The following PRSS56 variants were observed in gnomAD, a reference collection of about 807,000 sequenced individuals.
The protein encoded by PRSS56 is serine protease 56.
In PRSS56, 55 loss-of-function variants were observed where a neutral mutation model predicts 66.8. The observed-to-expected ratio is 0.82, with a 90% CI of 0.66 to 1.03. The LOEUF is 1.03. Among genes scored for constraint, PRSS56 ranks in the 50% least tolerant of loss-of-function variants. PRSS56 has a pLI of 0.00. For synonymous variants in PRSS56, 409 were observed against 387.9 expected (o/e 1.05, Z -0.64); for missense variants, 869 against 837.2 (o/e 1.04, Z -0.47).
chr2:232,520,818 C>A, intron 1 of PRSS56, 123 bp downstream of exon 1: 1 of 626,068 alleles, frequency 1.6e-6, no homozygotes, highest in Non-Finnish European at 2.8e-6. Context: ...CTCCTTCTGC[C>A]CACCCTGCTG....
chr2:232,521,235 G>T (rs967682880), intron 1 of PRSS56, 86 bp from the exon 2 acceptor site: 3 of 1,106,682 alleles, frequency 2.7e-6, no homozygotes, highest in Non-Finnish European at 3.9e-6. Context: ...TGGGTCTCCC[G>T]AGGCAGGGCT....
rs774920645 is a variant in PRSS56, at chr2:232,521,884, C to T, written c.256+18C>T. On this transcript the variant is annotated intron_variant, in intron 3 of 12. Transcript: ENST00000617714. The stretch of plus-strand genomic sequence containing the variant: ...TGAGCCAGGTGAGGTTGAAAAGGCT[C>T]GAGGGGGCAGGCCTGAGAGCCGGGT... 546 of 1,534,786 alleles carry T rather than the reference C, an allele frequency of 3.6e-4. No homozygotes were observed. Among genetic ancestry groups the T allele is most frequent in the Non-Finnish European group, 4.4e-4 (505 of 1,146,096 alleles).
In PRSS56 at chr2:232,524,405, A is replaced by C. The variant is rs1691364792; in HGVS notation, c.1414+36A>C. 2.6e-6 allele frequency: 4 copies of C among 1,526,752 alleles called. No individual in the cohort carries two copies. In the African/African-American group the frequency reaches 5.5e-5, roughly 21 times the overall value. 94.6% of individuals were successfully genotyped at this position (1,526,752 alleles called of 1,614,324 possible). ...CCCCTGCCGACCTTCAGGAGGGGAT[A>C]GGCTGAGGGCCTGGACGAGGTCGGA... On this transcript the variant is annotated intron_variant, in intron 11 of 12. Transcript: ENST00000617714.
chr2:232,522,290 C>A (rs1691297631), intron 4 of PRSS56, 130 bp downstream of exon 4: 14 of 991,542 alleles, frequency 1.4e-5, no homozygotes, highest in Non-Finnish European at 1.9e-5. Flanking sequence ...CGGCCCCGGG[C>A]TTCCCCATCT....
Position 232,522,634 on chromosome 2 carries a change from G to C in PRSS56, c.546+20G>C, listed in dbSNP as rs903967171. 3.3e-6 allele frequency: 5 copies of C among 1,531,692 alleles called. No homozygotes were observed. In the African/African-American group the frequency reaches 6.9e-5, roughly 21 times the overall value. The allele number at this position is 1,531,692 out of a possible 1,614,324, so 94.9% of individuals were successfully genotyped here. The stretch of plus-strand genomic sequence containing the variant: ...CCCAAGGTGAGAAGGCAGTCCCCAG[G>C]CCCCCAAGGCTGGGCACCGCACCCC... On this transcript the variant is annotated intron_variant, in intron 5 of 12. Transcript: ENST00000617714.
Position 232,520,631 on chromosome 2 carries a change from C to G in PRSS56, c.33C>G (p.Leu11=). The change falls in exon 1 of 13, where the codon CTC becomes CTG. Residue 11 remains leucine (L), a synonymous_variant. Coordinates refer to ENST00000617714, the MANE Select transcript of PRSS56 (RefSeq NM_001195129.2). MLLAVLLLLP[L]PSSWFAHGHP... ...TGGCTGTGCTGCTGCTGCTACCCCTCCCAAGCTCATGGTTTGCCCACGGGC... is the reference window on the plus strand; with the variant it reads ...TGGCTGTGCTGCTGCTGCTACCCCTGCCAAGCTCATGGTTTGCCCACGGGC... 3 of 1,536,096 alleles carry G rather than the reference C, an allele frequency of 2.0e-6. No individual in the cohort carries two copies. The highest frequency in any genetic ancestry group is 2.6e-6 in the Non-Finnish European group (3 of 1,146,882).
intron 1 of PRSS56, 150 bp from the exon 2 acceptor site, chr2:232,521,171 G>T: frequency 1.6e-6 from 1 of 624,368 alleles, no homozygotes; most frequent in Non-Finnish European, 2.8e-6. Flanking sequence ...GGCTCTGAGT[G>T]CTGGGCCCAG....
At position 232,523,921 on chromosome 2, in the gene PRSS56, T is replaced by G. The variant is rs1319580378; in HGVS notation, c.1162T>G (p.Cys388Gly). ...GACARLAHQQ[C>G]LQRRRRCELR... ...CTGTGCGCGCCTGGCGCACCAGCAG[T>G]GCCTGCAGCGCCGGCGGCGATGCGG... The change falls in exon 9 of 13, where the codon TGC (cysteine) becomes GGC (glycine). Residue 388 changes from cysteine to glycine, a missense_variant. By Grantham distance (159) the Cys-to-Gly change is radical. Transcript: ENST00000617714. 2 of 1,511,166 alleles carry G rather than the reference T, an allele frequency of 1.3e-6. No homozygotes were observed. The highest frequency in any genetic ancestry group is 1.8e-6 in the Non-Finnish European group (2 of 1,135,042). The allele number at this position is 1,511,166 out of a possible 1,614,324, so 93.6% of individuals were successfully genotyped here. A position where few individuals can be genotyped will look rare whatever the true frequency, so the allele number is the denominator to read the frequency against.
At chr2:232,523,613 G>A in intron 8 of PRSS56, 35 bp downstream of exon 8, 1 of 1,505,354 alleles carries the variant, frequency 6.6e-7, no homozygotes, top group Non-Finnish European at 8.8e-7. Flanking sequence ...CGTCCCCAGT[G>A]CCCCAACGGA....
In PRSS56 at chr2:232,520,563, G is replaced by A. The variant is rs1691255066; in HGVS notation, c.-36G>A. ...CGGAAGGTGGACTCCGAGGAGGAGA[G>A]AGGACAGGGGTCTCTCACCCCAGCT... On this transcript the variant is annotated 5_prime_UTR_variant, in exon 1 of 13. Transcript: ENST00000617714. The A allele has an allele frequency of 1.3e-6, 2 of 1,502,598 alleles. No individual in the cohort carries two copies. Among genetic ancestry groups the A allele is most frequent in the East Asian group, 2.5e-5 (1 of 40,714 alleles). The allele number at this position is 1,502,598 out of a possible 1,614,324, so 93.1% of individuals were successfully genotyped here. A position where few individuals can be genotyped will look rare whatever the true frequency, so the allele number is the denominator to read the frequency against.
intron 6 of PRSS56, 83 bp downstream of exon 6, chr2:232,522,944 G>A: frequency 6.9e-7 from 1 of 1,454,350 alleles, no homozygotes; most frequent in Non-Finnish European, 9.0e-7. Context: ...GGGTTGCCTT[G>A]GAAAAATGCT....
At chr2:232,522,377 A>G (rs1457436880) in intron 4 of PRSS56, 138 bp from the exon 5 acceptor site, 1 of 877,416 alleles carries the variant, frequency 1.1e-6, no homozygotes, top group East Asian at 3.2e-5. Flanking sequence ...CCCCTCTGGG[A>G]CGGGACCCCT....
chr2:232,521,749 C>A, intron 2 of PRSS56, 67 bp from the exon 3 acceptor site: 2 of 1,466,438 alleles, frequency 1.4e-6, no homozygotes, highest in Non-Finnish European at 1.8e-6. Context: ...GAGAGAGGCT[C>A]GGCCCAGCCT....
intron 8 of PRSS56, 86 bp from the exon 9 acceptor site, chr2:232,523,686 G>A: frequency 6.6e-7 from 1 of 1,522,600 alleles, no homozygotes. Flanking sequence ...TTCTGCCTCG[G>A]GAAAGCCTGT....
intron 5 of PRSS56, 41 bp downstream of exon 5, chr2:232,522,655 A>C: frequency 6.5e-7 from 1 of 1,531,102 alleles, no homozygotes; most frequent in Non-Finnish European, 8.7e-7. Context: ...TGGGCACCGC[A>C]CCCCCACCCG....
In PRSS56 at chr2:232,523,761, G is replaced by T. The variant is rs967202397; in HGVS notation, c.1013-11G>T. On this transcript the variant is annotated splice_polypyrimidine_tract_variant and intron_variant, in intron 8 of 12. Transcript: ENST00000617714. ...CAGAGGGTGAGCTGACCCCTGTCCC[G>T]CCCGCAGCAGCCTCCTCCAGCCGCG... 8 of 1,533,852 alleles carry T rather than the reference G, an allele frequency of 5.2e-6. No homozygotes were observed. In the East Asian group the frequency reaches 9.8e-5, roughly 19 times the overall value.
chr2:232,525,590 C>T lies in PRSS56; in HGVS notation c.*84C>T, dbSNP rs115585290. 1,337 of 666,384 alleles carry T rather than the reference C, an allele frequency of 2.0e-3. 9 individuals carry two copies. In the African/African-American group the frequency reaches 0.024, roughly 12 times the overall value. 41.3% of individuals were successfully genotyped at this position (666,384 alleles called of 1,614,324 possible). ...GTTCGGGAGCATAATGACAAACTGT[C>T]GCTGCCCCAGTGGCTGGGTGTGTGT... is the stretch of plus-strand genomic sequence containing the variant. On this transcript the variant is annotated 3_prime_UTR_variant, in exon 13 of 13. Transcript: ENST00000617714.
rs549793348 is a variant in PRSS56 at position 232,522,032 on chromosome 2, G to A, written c.318G>A (p.Val106=). 4.8e-6 allele frequency: 7 copies of A among 1,465,766 alleles called. No homozygotes were observed. In the African/African-American group the frequency reaches 5.8e-5, roughly 12 times the overall value. 90.8% of individuals were successfully genotyped at this position (1,465,766 alleles called of 1,614,324 possible). A position where few individuals can be genotyped will look rare whatever the true frequency, so the allele number is the denominator to read the frequency against. Reference sequence around the variant, plus strand: ...TGACGCGGGCCCACGGCCGCATCGTGGGGGGCAGCGCGGCGCCGCCCGGGG... The same window carrying A: ...TGACGCGGGCCCACGGCCGCATCGTAGGGGGCAGCGCGGCGCCGCCCGGGG... ...ANVTRAHGRI[V]GGSAAPPGAW... Residue 106 remains valine (V), a synonymous_variant, in exon 4 of 13, where the codon GTG becomes GTA. Transcript: ENST00000617714.
intron 4 of PRSS56, 84 bp downstream of exon 4, chr2:232,522,244 C>A: frequency 7.9e-7 from 1 of 1,260,880 alleles, no homozygotes; most frequent in Non-Finnish European, 1.0e-6. Flanking sequence ...GGGCGACGCG[C>A]GGGAAAGGTG....
Sources: gnomAD v4.1 joint callset for allele counts on GRCh38, gnomAD v4.1.1 for gene constraint, MANE v1.5 for transcripts, NCBI Gene and HGNC (gene_info 2026-07-23, HGNC 2026-07-21) for gene names.